The following TRIM44 variants were observed in gnomAD, a reference collection of about 807,000 sequenced individuals.
TRIM44 encodes the protein tripartite motif containing 44, also known as tripartite motif-containing protein 44.
In TRIM44, 13 loss-of-function variants were observed where a neutral mutation model predicts 37.4. The observed-to-expected ratio is 0.35, with a 90% CI of 0.23 to 0.55. TRIM44 has a LOEUF of 0.55. Among genes scored for constraint, TRIM44 ranks in the 20% least tolerant of loss-of-function variants. TRIM44 has a pLI of 0.89. For missense variants in TRIM44, 426 were observed against 437.2 expected, an observed-to-expected ratio of 0.97 and a Z score of 0.23; for synonymous variants, 175 against 157.2, an observed-to-expected ratio of 1.11 and a Z score of -0.85.
At chr11:35,729,297 A>C (rs970901003) in intron 3 of TRIM44, among the ~76,000 whole-genome samples, 1 of 152,148 alleles carries the variant, frequency 6.6e-6, no homozygotes, top group Non-Finnish European at 1.5e-5. Context: ...CATTTTATAT[A>C]TGCCCTATGT....
At chr11:35,709,994 G>T (rs1427959995) in intron 2 of TRIM44, among the ~76,000 whole-genome samples, 1 of 152,214 alleles carries the variant, frequency 6.6e-6, no homozygotes, top group Non-Finnish European at 1.5e-5. Flanking sequence ...GAAATTGGAA[G>T]TGAGGTACAG....
chr11:35,766,469 A>G (rs1212046700), intron 4 of TRIM44, among the ~76,000 whole-genome samples: 1 of 152,220 alleles, frequency 6.6e-6, no homozygotes, highest in Non-Finnish European at 1.5e-5. Flanking sequence ...ACCAGCGTAC[A>G]ATCTAAGATG....
intron 1 of TRIM44, 138 bp from the exon 2 acceptor site, chr11:35,685,121 G>T: frequency 1.5e-6 from 1 of 649,480 alleles, no homozygotes; most frequent in East Asian, 2.7e-5. Context: ...GAGGGGCAAT[G>T]CACCTCTCCT....
Position 35,809,199 on chromosome 11 carries a change from C to T in TRIM44, c.*2814C>T, listed in dbSNP as rs141767985. 1 of 152,044 alleles carries T rather than the reference C, an allele frequency of 6.6e-6. No homozygotes were observed. 9.4% of individuals were successfully genotyped at this position (152,044 alleles called of 1,614,324 possible). A position where few individuals can be genotyped will look rare whatever the true frequency, so the allele number is the denominator to read the frequency against. On this transcript the variant is annotated 3_prime_UTR_variant, in exon 5 of 5. Coordinates refer to ENST00000299413, the MANE Select transcript of TRIM44 (RefSeq NM_017583.6). ...ATTAAGGAACAACTATGAGCCAGGC[C>T]CTGAGCTGTCTCTTAGATAATAAAA...
intron 1 of TRIM44, among the ~76,000 whole-genome samples, chr11:35,684,388 G>A: frequency 6.6e-6 from 1 of 152,122 alleles, no homozygotes; most frequent in Non-Finnish European, 1.5e-5. Context: ...ACATACGCTT[G>A]CATTTGGGAC....
rs138173876 is a variant in TRIM44, at chr11:35,688,804, A to G, written c.747+3468A>G. Among the ~76,000 whole-genome samples the G allele has an allele frequency of 1.9e-3, 286 of 152,294 alleles. 2 individuals are homozygous for G. The highest frequency in any genetic ancestry group is 6.5e-3 in the African/African-American group (272 of 41,550). ...TCAATTGGCCTGGGGTGGCTAGACA[A>G]TGTTCATTTCTATGAAATTATCAGG... On this transcript the variant is annotated intron_variant, in intron 2 of 4. Transcript: ENST00000299413.
In TRIM44 at chr11:35,663,396, AGGGGAAGAGAGTGAGTCG is replaced by A; in HGVS notation, c.287_304del (p.Gly96_Ser101del). On this transcript the variant is annotated inframe_deletion, in exon 1 of 5. Coordinates refer to ENST00000299413, the MANE Select transcript of TRIM44 (RefSeq NM_017583.6). ...AGGAGAGGGAGATAGAAAGCGAGGC[AGGGGAAGAGAGTGAGTCG>A]GAGGAAGAGAGCGAGTCAGAGGAAG... 6.2e-7 allele frequency: 1 copy of A among 1,600,748 alleles called. No homozygotes were observed. The highest frequency in any genetic ancestry group is 1.1e-5 in the South Asian group (1 of 89,806).
intron 2 of TRIM44, among the ~76,000 whole-genome samples, chr11:35,716,556 C>T (rs973642475): frequency 6.6e-6 from 1 of 152,202 alleles, no homozygotes; most frequent in African/African-American, 2.4e-5. Context: ...GGGATAGCCT[C>T]TGACCTTCAG....
intron 4 of TRIM44, among the ~76,000 whole-genome samples, chr11:35,742,533 A>G (rs1852416280): frequency 7.6e-6 from 1 of 131,616 alleles, no homozygotes; most frequent in African/African-American, 3.0e-5. Flanking sequence ...TGTATTATAT[A>G]TAATTATATT....
chr11:35,673,367 C>T (rs1305120461), intron 1 of TRIM44, among the ~76,000 whole-genome samples: 1 of 152,146 alleles, frequency 6.6e-6, no homozygotes, highest in Non-Finnish European at 1.5e-5. Context: ...TTATTCATGG[C>T]AGAGACAATT....
intron 4 of TRIM44, among the ~76,000 whole-genome samples, chr11:35,764,244 C>T (rs1332394382): frequency 6.6e-6 from 1 of 152,174 alleles, no homozygotes; most frequent in African/African-American, 2.4e-5. Context: ...ATGGTCTTAT[C>T]CTTTTCTTTT....
intron 1 of TRIM44, among the ~76,000 whole-genome samples, chr11:35,675,959 C>T (rs1186159053): frequency 3.3e-5 from 5 of 152,042 alleles, no homozygotes; most frequent in South Asian, 2.1e-4. Flanking sequence ...CAGGCCACAG[C>T]GTGTGCAGCT....
rs530843627 is a variant in TRIM44, at chr11:35,763,632, G to T, written c.1007+28187G>T. Among the ~76,000 whole-genome samples the T allele has an allele frequency of 2.0e-5, 3 of 152,302 alleles. No homozygotes were observed. In the East Asian group the frequency reaches 5.8e-4, roughly 29 times the overall value. On this transcript the variant is annotated intron_variant, in intron 4 of 4. Transcript: ENST00000299413. ...CTGGCTCTAAAACTCCAAGGTCTTT[G>T]TTCTGGAAGACCACACACTACTGGG...
intron 4 of TRIM44, among the ~76,000 whole-genome samples, chr11:35,757,795 G>A (rs1385089555): frequency 2.6e-5 from 4 of 152,200 alleles, no homozygotes; most frequent in African/African-American, 9.7e-5. Flanking sequence ...CAGTTTCCAT[G>A]TAGTTGAGCG....
Position 35,677,760 on chromosome 11 carries a change from C to CT in TRIM44, c.670-7498dup, listed in dbSNP as rs768485392. On this transcript the variant is annotated intron_variant, in intron 1 of 4. Transcript: ENST00000299413. ...AGTAGGGAACCAACAAGAAGCAACT[C>CT]TAAGTCATGGAATTTATAATCTTTG... Among the ~76,000 whole-genome samples the CT allele has an allele frequency of 4.6e-5, 7 of 152,150 alleles. No homozygotes were observed. The South Asian group carries it at 6.2e-4, about 14-fold the overall frequency.
chr11:35,789,560 A>T (rs954180879), intron 4 of TRIM44, among the ~76,000 whole-genome samples: 1 of 152,214 alleles, frequency 6.6e-6, no homozygotes, highest in Non-Finnish European at 1.5e-5. Context: ...TCAGTTAATA[A>T]GTAGAAGAAC....
intron 2 of TRIM44, among the ~76,000 whole-genome samples, chr11:35,697,627 C>G (rs1317007464): frequency 6.6e-6 from 1 of 151,574 alleles, no homozygotes; most frequent in Non-Finnish European, 1.5e-5. Flanking sequence ...CAACAGTCCC[C>G]AGAGTGTGAT....
At chr11:35,726,240 G>A in intron 3 of TRIM44, 77 bp downstream of exon 3, 1 of 1,562,048 alleles carries the variant, frequency 6.4e-7, no homozygotes, top group Non-Finnish European at 8.7e-7. Context: ...GACCCCATGT[G>A]GTCCCTGAAC....
At chr11:35,776,027 A>G (rs1852954427) in intron 4 of TRIM44, among the ~76,000 whole-genome samples, 1 of 151,828 alleles carries the variant, frequency 6.6e-6, no homozygotes, top group Admixed American at 6.6e-5. Context: ...ATTGATTGGA[A>G]TAGTTTCAGA....
Sources: gnomAD v4.1 joint callset for allele counts (sites outside exome capture counted in the v4.1 genomes callset) on GRCh38, gnomAD v4.1.1 for gene constraint, MANE v1.5 for transcripts, NCBI Gene and HGNC (gene_info 2026-07-23, HGNC 2026-07-21) for gene names.